Variants in ZFHX3 observed in about 807,000 individuals in gnomAD.
ZFHX3 encodes the protein zinc finger homeobox 3, also known as zinc finger homeobox protein 3.
ZFHX3 carries 42 observed loss-of-function variants against 279.1 expected under a neutral mutation model. The observed-to-expected ratio is 0.15, with a 90% CI of 0.12 to 0.19. ZFHX3 has a LOEUF of 0.19. ZFHX3 is among the 10% of genes least tolerant of loss of function. ZFHX3 has a pLI of 1.00. For synonymous variants in ZFHX3, 2,293 were observed against 1,957.8 expected (o/e 1.17, Z -4.52); for missense variants, 4,981 against 4,754.0 (o/e 1.05, Z -1.40).
chr16:73,210,079 A>G (rs138958637), intron 5 of ZFHX3, among the ~76,000 whole-genome samples: 24 of 152,358 alleles, frequency 1.6e-4, no homozygotes, highest in African/African-American at 5.1e-4. Context: ...GAAGGAAGGT[A>G]AGAATTATTC....
intron 2 of ZFHX3, among the ~76,000 whole-genome samples, chr16:73,644,140 A>G (rs2052597487): frequency 1.3e-5 from 2 of 151,970 alleles, no homozygotes; most frequent in Non-Finnish European, 2.9e-5. Flanking sequence ...GTGGTTCTGG[A>G]ATTCTGATTT....
At chr16:72,903,623 G>A (rs2039095136) in intron 3 of ZFHX3, among the ~76,000 whole-genome samples, 1 of 152,142 alleles carries the variant, frequency 6.6e-6, no homozygotes. Context: ...CAGAATGCAA[G>A]GCCCCCGGGA....
At chr16:72,811,821 C>CCA in intron 6 of ZFHX3, 44 bp from the exon 7 acceptor site, 1 of 1,598,756 alleles carries the variant, frequency 6.3e-7, no homozygotes, top group Non-Finnish European at 8.5e-7. Flanking sequence ...GTGTGTGCCC[C>CCA]AAGCCCGCCC....
At chr16:73,537,521 T>G (rs2019926489) in intron 2 of ZFHX3, among the ~76,000 whole-genome samples, 1 of 152,134 alleles carries the variant, frequency 6.6e-6, no homozygotes, top group Non-Finnish European at 1.5e-5. Flanking sequence ...TTTCGCCATG[T>G]TGGCCAGGAT....
intron 2 of ZFHX3, among the ~76,000 whole-genome samples, chr16:73,559,345 G>T (rs572883123): frequency 6.6e-6 from 1 of 152,038 alleles, no homozygotes; most frequent in Non-Finnish European, 1.5e-5. Context: ...ACCACACCCC[G>T]TCTCCCAGCA....
intron 3 of ZFHX3, among the ~76,000 whole-genome samples, chr16:72,915,517 C>T (rs1336155821): frequency 6.6e-6 from 1 of 152,188 alleles, no homozygotes; most frequent in Non-Finnish European, 1.5e-5. Flanking sequence ...GTAACCCCGG[C>T]ACTCCTGGAT....
chr16:73,740,251 C>T (rs1305097390), intron 1 of ZFHX3, among the ~76,000 whole-genome samples: 1 of 152,114 alleles, frequency 6.6e-6, no homozygotes, highest in African/African-American at 2.4e-5. Flanking sequence ...TTCCTCTACA[C>T]ACTCCTTGGG....
chr16:73,219,978 C>T (rs533096925), intron 5 of ZFHX3, among the ~76,000 whole-genome samples: 8 of 152,042 alleles, frequency 5.3e-5, no homozygotes, highest in African/African-American at 7.2e-5. Flanking sequence ...CCTGGCTACT[C>T]GGGAGCCTGA....
intron 8 of ZFHX3, chr16:73,092,864 A>C: frequency 1.9e-6 from 1 of 513,548 alleles, no homozygotes; most frequent in Admixed American, 2.0e-5. Context: ...TAATAGGGAC[A>C]ACAGTAAATC....
intron 1 of ZFHX3, among the ~76,000 whole-genome samples, chr16:72,968,998 T>C (rs149879320): frequency 1.3e-5 from 2 of 152,192 alleles, no homozygotes; most frequent in African/African-American, 2.4e-5. Context: ...GGAATAAATA[T>C]ATGAGATGTT....
chr16:73,870,249 C>T lies in ZFHX3; in HGVS notation c.-1608+21402G>A, dbSNP rs1962125943. Reference sequence around the variant, plus strand: ...TCAGGGACCTCGAGAGAATCTCCCCCGTACCACTGGGCATTAGACAAGCCA... The same window carrying T: ...TCAGGGACCTCGAGAGAATCTCCCCTGTACCACTGGGCATTAGACAAGCCA... On this transcript the variant is annotated intron_variant, in intron 1 of 17. Transcript: ENST00000641206. Among the ~76,000 whole-genome samples, 3 of 152,270 alleles carry T rather than the reference C, an allele frequency of 2.0e-5. 1 individual carries two copies. Among genetic ancestry groups the T allele is most frequent in the Middle Eastern group, 6.8e-3 (2 of 294 alleles).
chr16:73,179,578 A>G (rs1967745750), intron 5 of ZFHX3, among the ~76,000 whole-genome samples: 1 of 152,206 alleles, frequency 6.6e-6, no homozygotes, highest in South Asian at 2.1e-4. Context: ...ATTTTTGTAG[A>G]GGGCTCAAAC....
At chr16:73,401,038 G>A (rs1016547430) in intron 3 of ZFHX3, 4 of 152,058 alleles carry the variant, frequency 2.6e-5, no homozygotes, top group Non-Finnish European at 4.4e-5. Context: ...AAGAAGGGCG[G>A]AACTGGGATT....
chr16:73,483,498 C>T (rs2018910790), intron 2 of ZFHX3: 1 of 407,490 alleles, frequency 2.5e-6, no homozygotes, highest in African/African-American at 2.1e-5. Context: ...CCGTCAGCCT[C>T]GACGCTGAAC....
intron 2 of ZFHX3, among the ~76,000 whole-genome samples, chr16:73,493,837 C>A (rs1011270231): frequency 1.3e-5 from 2 of 148,322 alleles, no homozygotes; most frequent in East Asian, 3.9e-4. Flanking sequence ...CTGAGTTCCC[C>A]ATCTTCCATG....
intron 4 of ZFHX3, among the ~76,000 whole-genome samples, chr16:72,832,223 C>T (rs1225689054): frequency 1.3e-5 from 2 of 152,068 alleles, no homozygotes; most frequent in Non-Finnish European, 2.9e-5. Context: ...CTCACAGTCA[C>T]CCAACACTGA....
chr16:72,991,844 T>C (rs995196845), intron 1 of ZFHX3, among the ~76,000 whole-genome samples: 1 of 152,152 alleles, frequency 6.6e-6, no homozygotes, highest in African/African-American at 2.4e-5. Context: ...TGGGTGAACT[T>C]TGTACATTCT....
At chr16:72,838,317 G>C (rs1325852069) in intron 4 of ZFHX3, among the ~76,000 whole-genome samples, 1 of 147,314 alleles carries the variant, frequency 6.8e-6, no homozygotes, top group African/African-American at 2.5e-5. Flanking sequence ...GGATTGTGTG[G>C]CAAGAGGCAG....
chr16:72,959,780 C>A lies in ZFHX3; in HGVS notation c.366G>T (p.Glu122Asp). Residue 122 changes from glutamate to aspartate, a missense_variant, in exon 2 of 10, where the codon GAG becomes GAT. By Grantham distance (45) the Glu-to-Asp change is conservative (BLOSUM62 2). Around this residue, in one of 7 missense-constraint regions of ZFHX3, gnomAD observed 1,068 missense variants for 935.2 expected, o/e 1.14. Coordinates refer to ENST00000268489, the MANE Select transcript of ZFHX3 (RefSeq NM_006885.4). ...CGGCCAGGTTCTCCACGTCACTCTC[C>A]TCGTCCCCCTCCTCACCGGTGTCGC... The part of the protein sequence containing the change: ...SASDTGEEGD[E>D]ESDVENLAGE... 5 of 1,603,718 alleles carry A rather than the reference C, an allele frequency of 3.1e-6. No homozygotes were observed. Among genetic ancestry groups the A allele is most frequent in the Non-Finnish European group, 4.3e-6 (5 of 1,173,618 alleles).
Sources: gnomAD v4.1 joint callset for allele counts (sites outside exome capture counted in the v4.1 genomes callset) on GRCh38, gnomAD v4.1.1 for gene constraint, gnomAD v4.1.1 regional missense constraint, MANE v1.5 for transcripts, NCBI Gene and HGNC (gene_info 2026-07-23, HGNC 2026-07-21) for gene names.